Variants in HACL1 observed in about 807,000 individuals in gnomAD.
The protein encoded by HACL1 is 1600020H07Rik.
A neutral mutation model predicts 74.2 loss-of-function variants in HACL1; 64 were observed. That is an observed-to-expected ratio of 0.86 (90% CI 0.70 to 1.06). HACL1 has a LOEUF of 1.06. Among genes scored for constraint, HACL1 ranks in the 50% least tolerant of loss-of-function variants. The pLI, the probability that HACL1 is intolerant of heterozygous loss-of-function variation, is 0.00. For synonymous variants in HACL1, 230 were observed against 238.8 expected, an observed-to-expected ratio of 0.96 and a Z score of 0.34; for missense variants, 728 against 719.7, an observed-to-expected ratio of 1.01 and a Z score of -0.13.
At position 15,589,612 on chromosome 3, in the gene HACL1, C is replaced by A; in HGVS notation, c.309G>T (p.Trp103Cys). 1.3e-6 allele frequency: 2 copies of A among 1,593,982 alleles called. No individual in the cohort carries two copies. Among genetic ancestry groups the A allele is most frequent in the Non-Finnish European group, 1.7e-6 (2 of 1,162,788 alleles). The part of the protein sequence containing the change: ...GGMANANMNC[W>C]PLLVIGGSSE... ...AGGAACCACCAATCACAAGCAAGGG[C>A]CTGAAACAATCATTTTTTTAACAAG... Residue 103 changes from tryptophan to cysteine, a missense_variant and splice_region_variant, in exon 5 of 17, where the codon TGG becomes TGT. Transcript: ENST00000321169.
chr3:15,591,869 T>TAC (rs1279397170), intron 3 of HACL1, among the ~76,000 whole-genome samples, 189 bp from the exon 4 acceptor site: 1 of 150,730 alleles, frequency 6.6e-6, no homozygotes, highest in African/African-American at 2.4e-5. Flanking sequence ...GCGATATATA[T>TAC]ACATACACAC....
intron 9 of HACL1, among the ~76,000 whole-genome samples, chr3:15,579,522 A>C (rs1252547707): frequency 6.6e-6 from 1 of 152,222 alleles, no homozygotes; most frequent in African/African-American, 2.4e-5. Flanking sequence ...TATTTGAAGA[A>C]AGAATGATGA....
At position 15,571,784 on chromosome 3, in the gene HACL1, A is replaced by AAACAC; in HGVS notation, c.994-16_994-15insGTGTT. Reference sequence around the variant, plus strand: ...TCCTCTAAAAGCTTAAAAAAAAAAAAACACACACACACAAACACATAAACT... The same window carrying AAACAC: ...TCCTCTAAAAGCTTAAAAAAAAAAAAAACACACACACACACACAAACACATAAACT... On this transcript the variant is annotated splice_polypyrimidine_tract_variant and intron_variant, in intron 11 of 16. Coordinates refer to ENST00000321169, the MANE Select transcript of HACL1 (RefSeq NM_012260.4). 1 of 899,890 alleles carries AAACAC rather than the reference A, an allele frequency of 1.1e-6. No homozygotes were observed. Among genetic ancestry groups the AAACAC allele is most frequent in the East Asian group, 2.5e-5 (1 of 39,362 alleles). 55.7% of individuals were successfully genotyped at this position (899,890 alleles called of 1,614,324 possible). A position where few individuals can be genotyped will look rare whatever the true frequency, so the allele number is the denominator to read the frequency against.
chr3:15,564,351 G>A (rs895607507), intron 15 of HACL1, among the ~76,000 whole-genome samples, 200 bp downstream of exon 15: 2 of 152,206 alleles, frequency 1.3e-5, no homozygotes, highest in Non-Finnish European at 2.9e-5. Context: ...GTGGCTCCCT[G>A]ATTATTTACT....
At chr3:15,577,805 A>AC (rs546571647) in intron 9 of HACL1, among the ~76,000 whole-genome samples, 252 of 151,972 alleles carry the variant, frequency 1.7e-3, no homozygotes, top group African/African-American at 5.6e-3. Flanking sequence ...CTCCAAAAAA[A>AC]ACCCAAAAAC....
At chr3:15,571,818 G>GC in intron 11 of HACL1, 49 bp from the exon 12 acceptor site, 1 of 419,306 alleles carries the variant, frequency 2.4e-6, no homozygotes, top group Non-Finnish European at 4.0e-6. Context: ...CTTTTTCTTT[G>GC]CCTTTTTTTT....
intron 14 of HACL1, among the ~76,000 whole-genome samples, chr3:15,565,524 C>T (rs1340604136): frequency 2.0e-5 from 3 of 151,942 alleles, no homozygotes; most frequent in African/African-American, 7.3e-5. Flanking sequence ...AACAGTATAG[C>T]AAAGACAAAA....
intron 8 of HACL1, among the ~76,000 whole-genome samples, chr3:15,582,451 A>T (rs1461492247): frequency 6.6e-6 from 1 of 152,204 alleles, no homozygotes; most frequent in East Asian, 1.9e-4. Flanking sequence ...ATATTTAGGA[A>T]ATACTTTTAA....
intron 3 of HACL1, among the ~76,000 whole-genome samples, chr3:15,592,153 C>A (rs979074351): frequency 4.1e-5 from 6 of 147,906 alleles, no homozygotes; most frequent in Non-Finnish European, 6.0e-5. Flanking sequence ...TGTATACATA[C>A]GTATATACGT....
At chr3:15,591,768 T>C in intron 3 of HACL1, 88 bp from the exon 4 acceptor site, 1 of 782,204 alleles carries the variant, frequency 1.3e-6, no homozygotes, top group Non-Finnish European at 2.2e-6. Context: ...AATCTTGGAC[T>C]TCAAAGGAAG....
rs1367993738 is a variant in HACL1, at chr3:15,563,281, T to C, written c.1704+77A>G. ...CCTCTGTGGATGATAGAGGGTGTTC[T>C]GTTTGGTAGATACTTTTTGGAGGGG... On this transcript the variant is annotated intron_variant, in intron 16 of 16. Coordinates refer to ENST00000321169, the MANE Select transcript of HACL1 (RefSeq NM_012260.4). 3.2e-6 allele frequency: 3 copies of C among 937,204 alleles called. No homozygotes were observed. The African/African-American group carries it at 4.9e-5, about 15-fold the overall frequency. 58.1% of individuals were successfully genotyped at this position (937,204 alleles called of 1,614,324 possible). A position where few individuals can be genotyped will look rare whatever the true frequency, so the allele number is the denominator to read the frequency against.
chr3:15,574,888 A>G (rs1415919320), intron 10 of HACL1, 89 bp downstream of exon 10: 2 of 572,592 alleles, frequency 3.5e-6, no homozygotes, highest in Non-Finnish European at 6.4e-6. Context: ...TTTTAATAGT[A>G]ATCAAGAAGA....
At chr3:15,576,275 C>G (rs138049029) in intron 9 of HACL1, among the ~76,000 whole-genome samples, 289 of 149,464 alleles carry the variant, frequency 1.9e-3, no homozygotes, top group African/African-American at 6.9e-3. Context: ...TTCTCAATTG[C>G]TAGATATTTT....
chr3:15,564,413 T>C, intron 15 of HACL1, 138 bp downstream of exon 15: 1 of 577,076 alleles, frequency 1.7e-6, no homozygotes, highest in South Asian at 2.1e-5. Flanking sequence ...ACAGGATTCC[T>C]TCTCTTTAGA....
At chr3:15,573,097 A>G (rs2063564450) in intron 11 of HACL1, 62 bp downstream of exon 11, 1 of 902,290 alleles carries the variant, frequency 1.1e-6, no homozygotes, top group Non-Finnish European at 1.9e-6. Flanking sequence ...AGATTAAAAC[A>G]TTTTCAAGAA....
intron 16 of HACL1, among the ~76,000 whole-genome samples, chr3:15,561,515 G>A (rs1470841218): frequency 6.6e-6 from 1 of 152,194 alleles, no homozygotes; most frequent in Non-Finnish European, 1.5e-5. Context: ...AAAAGAGGAA[G>A]ACGAGAACTC....
At chr3:15,591,763 T>C in intron 3 of HACL1, 83 bp from the exon 4 acceptor site, 2 of 827,374 alleles carry the variant, frequency 2.4e-6, no homozygotes, top group African/African-American at 1.7e-5. Context: ...ATGGCAATCT[T>C]GGACTTCAAA....
At chr3:15,564,258 T>C (rs1574904881) in intron 15 of HACL1, among the ~76,000 whole-genome samples, 1 of 152,248 alleles carries the variant, frequency 6.6e-6, no homozygotes, top group Non-Finnish European at 1.5e-5. Context: ...AGTCCTACTA[T>C]TGCTCCCAGT....
intron 3 of HACL1, among the ~76,000 whole-genome samples, chr3:15,593,399 G>T (rs574491607): frequency 6.6e-6 from 1 of 150,922 alleles, no homozygotes; most frequent in East Asian, 2.0e-4. Flanking sequence ...ATTTTTTTTT[G>T]GTAGAGATGG....
Sources: allele counts gnomAD v4.1 joint callset (sites outside exome capture counted in the v4.1 genomes callset), GRCh38; gene constraint gnomAD v4.1.1; transcripts MANE v1.5; gene names NCBI Gene and HGNC (gene_info 2026-07-23, HGNC 2026-07-21).